Variants in FAF1 observed in about 807,000 individuals in gnomAD.
The protein encoded by FAF1 is Fas associated factor 1, also known as FAS-associated factor 1.
A neutral mutation model predicts 92.5 loss-of-function variants in FAF1; 25 were observed. That is an observed-to-expected ratio of 0.27 (90% confidence interval 0.20 to 0.38). The LOEUF is 0.38. Among genes scored for constraint, FAF1 ranks in the 10% least tolerant of loss-of-function variants. The probability of loss-of-function intolerance (pLI) is 1.00; values close to 1 mark genes in which losing one functional copy is unlikely to be tolerated. For missense variants in FAF1, 636 were observed against 793.3 expected (o/e 0.80, Z 2.38); for synonymous variants, 234 against 273.2 (o/e 0.86, Z 1.42).
At chr1:50,646,931 C>T (rs571305057) in intron 8 of FAF1, among the ~76,000 whole-genome samples, 5 of 152,284 alleles carry the variant, frequency 3.3e-5, no homozygotes, top group Non-Finnish European at 4.4e-5. Context: ...CTGCAACCTC[C>T]GCCTCCTAGG....
At chr1:50,800,210 GAGA>G (rs906653242) in intron 3 of FAF1, among the ~76,000 whole-genome samples, 1 of 152,166 alleles carries the variant, frequency 6.6e-6, no homozygotes, top group Non-Finnish European at 1.5e-5. Flanking sequence ...GTTTCCAGGG[GAGA>G]AGAAGTTTCT....
rs777724503 is a variant in FAF1 at position 50,493,710 on chromosome 1, G to C, written c.1495-1909C>G. Among the ~76,000 whole-genome samples, 130 of 152,070 alleles carry C rather than the reference G, an allele frequency of 8.5e-4. 1 individual carries two copies. The highest frequency in any genetic ancestry group is 1.1e-3 in the Non-Finnish European group (72 of 68,020). On this transcript the variant is annotated intron_variant, in intron 15 of 18. Coordinates refer to ENST00000396153, the MANE Select transcript of FAF1 (RefSeq NM_007051.3). ...CCTAGTTTTGGGAGGTGTTTAATAA[G>C]CATATGTTAAATAAATTATCTTTCC...
At chr1:50,524,583 G>A (rs556016560) in intron 15 of FAF1, among the ~76,000 whole-genome samples, 5 of 152,146 alleles carry the variant, frequency 3.3e-5, no homozygotes, top group African/African-American at 9.6e-5. Context: ...GAAAGAGTCC[G>A]GTTTCAATCT....
At chr1:50,729,054 A>ATTTTTTTTTT (rs1364447973) in intron 6 of FAF1, among the ~76,000 whole-genome samples, 1 of 97,836 alleles carries the variant, frequency 1.0e-5, no homozygotes, top group African/African-American at 4.5e-5. Flanking sequence ...ATATATATAT[A>ATTTTTTTTTT]TATATTTTTT....
chr1:50,467,486 T>C (rs1428127848), intron 18 of FAF1, among the ~76,000 whole-genome samples: 1 of 152,118 alleles, frequency 6.6e-6, no homozygotes, highest in Non-Finnish European at 1.5e-5. Context: ...GCTAATTTTT[T>C]GTATTTTTAG....
chr1:50,910,559 G>A (rs1644876272), intron 1 of FAF1, among the ~76,000 whole-genome samples: 3 of 152,108 alleles, frequency 2.0e-5, no homozygotes, highest in Non-Finnish European at 4.4e-5. Context: ...GGGCCACTTT[G>A]TTTACCTACT....
intron 6 of FAF1, among the ~76,000 whole-genome samples, chr1:50,729,058 A>AT (rs1195852048): frequency 0.021 from 1,498 of 70,008 alleles, 40 homozygotes; most frequent in South Asian, 0.047. Context: ...ATATATATAT[A>AT]TTTTTTTTTT....
intron 4 of FAF1, 95 bp downstream of exon 4, chr1:50,787,905 C>G: frequency 6.8e-6 from 7 of 1,027,474 alleles, no homozygotes; most frequent in Non-Finnish European, 8.8e-6. Flanking sequence ...TTTTTCCCTT[C>G]TTGCACTGGT....
At chr1:50,712,120 C>T (rs1365860096) in intron 6 of FAF1, among the ~76,000 whole-genome samples, 2 of 152,152 alleles carry the variant, frequency 1.3e-5, no homozygotes, top group Non-Finnish European at 2.9e-5. Context: ...GAAGTGAACA[C>T]AGTAAGATCA....
At chr1:50,773,737 T>C (rs895405278) in intron 4 of FAF1, among the ~76,000 whole-genome samples, 1 of 152,178 alleles carries the variant, frequency 6.6e-6, no homozygotes, top group African/African-American at 2.4e-5. Flanking sequence ...CTTTGATCAG[T>C]TAGACAGAAG....
intron 8 of FAF1, among the ~76,000 whole-genome samples, chr1:50,614,984 T>C (rs1353232978): frequency 2.0e-5 from 3 of 152,152 alleles, no homozygotes; most frequent in African/African-American, 7.2e-5. Context: ...CATGGGTATA[T>C]TGCACCCAGG....
chr1:50,598,825 C>T (rs1324827068), intron 8 of FAF1, among the ~76,000 whole-genome samples: 5 of 151,996 alleles, frequency 3.3e-5, no homozygotes, highest in Admixed American at 3.3e-4. Context: ...AAAAAATTAG[C>T]CGGGCATGGT....
rs140152043 is a variant in FAF1, at chr1:50,824,260, G to A, written c.115-22583C>T. 8.7e-3 allele frequency among the ~76,000 whole-genome samples: 1,323 copies of A among 152,162 alleles called. 15 individuals are homozygous for A. The highest frequency in any genetic ancestry group is 0.015 in the Non-Finnish European group (1,012 of 67,946). The stretch of plus-strand genomic sequence containing the variant: ...AAAGCATCTAGGCTTATCCATTCCA[G>A]TAGGCACCAAGCCCAATTCAAGTCT... On this transcript the variant is annotated intron_variant, in intron 2 of 18. Coordinates refer to ENST00000396153, the MANE Select transcript of FAF1 (RefSeq NM_007051.3).
chr1:50,951,677 T>C (rs186879989), intron 1 of FAF1, among the ~76,000 whole-genome samples: 29 of 152,286 alleles, frequency 1.9e-4, no homozygotes, highest in African/African-American at 6.7e-4. Context: ...ACAACATGAT[T>C]TGTCTCTTTA....
chr1:50,878,322 T>C (rs1268162355), intron 1 of FAF1, among the ~76,000 whole-genome samples: 1 of 152,210 alleles, frequency 6.6e-6, no homozygotes, highest in Non-Finnish European at 1.5e-5. Flanking sequence ...CTATCTATTT[T>C]CCTAAGCAGT....
intron 12 of FAF1, 49 bp downstream of exon 12, chr1:50,582,569 A>G: frequency 8.2e-7 from 1 of 1,213,862 alleles, no homozygotes; most frequent in Non-Finnish European, 1.2e-6. Context: ...CCCTAGTGGT[A>G]AACCTGTGGG....
At chr1:50,821,974 A>C (rs867030401) in intron 2 of FAF1, among the ~76,000 whole-genome samples, 16 of 152,056 alleles carry the variant, frequency 1.1e-4, no homozygotes, top group Non-Finnish European at 1.8e-4. Context: ...GAGGAGACCA[A>C]AGCAGAAGAA....
At chr1:50,901,747 C>G (rs1375582150) in intron 1 of FAF1, among the ~76,000 whole-genome samples, 2 of 151,912 alleles carry the variant, frequency 1.3e-5, no homozygotes, top group Non-Finnish European at 2.9e-5. Context: ...TGCTTGAGGT[C>G]CCAGCTACTA....
intron 1 of FAF1, among the ~76,000 whole-genome samples, chr1:50,955,938 G>T (rs1446487472): frequency 6.6e-6 from 1 of 152,182 alleles, no homozygotes; most frequent in African/African-American, 2.4e-5. Flanking sequence ...ATTAATAGAA[G>T]AGTCGAATTC....
Sources: gnomAD v4.1 joint callset for allele counts (sites outside exome capture counted in the v4.1 genomes callset) on GRCh38, gnomAD v4.1.1 for gene constraint, MANE v1.5 for transcripts, NCBI Gene and HGNC (gene_info 2026-07-23, HGNC 2026-07-21) for gene names.